The following FOCAD variants were observed in gnomAD, a reference collection of about 807,000 sequenced individuals.
The protein encoded by FOCAD is focadhesin, also known as KIAA1797.
Under a neutral mutation model 225.6 loss-of-function variants are expected in FOCAD, and 198 were observed. The observed-to-expected ratio is 0.88, with a 90% confidence interval of 0.78 to 0.99. FOCAD has a LOEUF of 0.99. Among genes scored for constraint, FOCAD ranks in the 50% least tolerant of loss-of-function variants. The probability of loss-of-function intolerance (pLI) is 0.00; values close to 1 mark genes in which losing one functional copy is unlikely to be tolerated. For synonymous variants in FOCAD, 897 were observed against 755.0 expected (o/e 1.19, Z -3.08); for missense variants, 2,713 against 2,123.6 (o/e 1.28, Z -5.46).
intron 21 of FOCAD, among the ~76,000 whole-genome samples, chr9:20,906,179 C>T (rs1832963185): frequency 6.6e-6 from 1 of 151,972 alleles, no homozygotes; most frequent in Admixed American, 6.6e-5. Flanking sequence ...TGGGAACCAA[C>T]TATATTCAGA....
chr9:20,767,530 G>C (rs920797842), intron 7 of FOCAD, among the ~76,000 whole-genome samples: 3 of 151,794 alleles, frequency 2.0e-5, no homozygotes, highest in African/African-American at 7.3e-5. Context: ...ACTGGTGTGA[G>C]ATGGTATCTC....
At chr9:20,774,116 G>A (rs1818515436) in intron 8 of FOCAD, among the ~76,000 whole-genome samples, 1 of 152,164 alleles carries the variant, frequency 6.6e-6, no homozygotes, top group Non-Finnish European at 1.5e-5. Context: ...GATCTGAGGT[G>A]GTACAGTTTC....
At chr9:20,657,304 C>G, upstream of FOCAD, among the ~76,000 whole-genome samples, 1 of 112,788 alleles carries the variant, frequency 8.9e-6, no homozygotes, top group Non-Finnish European at 1.8e-5. Context: ...CTCTGTATTT[C>G]CTGAATCTGA....
chr9:20,702,535 T>C (rs951951022), intron 1 of FOCAD, among the ~76,000 whole-genome samples: 5 of 152,242 alleles, frequency 3.3e-5, no homozygotes, highest in African/African-American at 1.2e-4. Context: ...GCAATTAATT[T>C]TGACCTCTCC....
intron 15 of FOCAD, among the ~76,000 whole-genome samples, chr9:20,855,354 A>C (rs1166157734): frequency 1.3e-5 from 2 of 151,822 alleles, no homozygotes; most frequent in African/African-American, 2.4e-5. Flanking sequence ...GAATAGATGG[A>C]AGGCAGATCA....
intron 11 of FOCAD, among the ~76,000 whole-genome samples, chr9:20,796,188 C>T (rs1292378243): frequency 6.6e-5 from 10 of 152,116 alleles, no homozygotes; most frequent in Admixed American, 5.2e-4. Flanking sequence ...TATATATGTG[C>T]CACATTTTCT....
intron 5 of FOCAD, among the ~76,000 whole-genome samples, chr9:20,757,050 C>T (rs1050977015): frequency 6.6e-6 from 1 of 152,164 alleles, no homozygotes; most frequent in East Asian, 1.9e-4. Flanking sequence ...CTTCCTCAGC[C>T]TCCTGAGTAG....
chr9:20,874,610 A>C (rs1830071985), intron 18 of FOCAD, 71 bp from the exon 19 acceptor site: 7 of 1,521,012 alleles, frequency 4.6e-6, no homozygotes, highest in South Asian at 1.2e-5. Flanking sequence ...GTCACAAAAA[A>C]GGATACAGAA....
At chr9:20,938,534 A>G (rs1459777481) in intron 28 of FOCAD, among the ~76,000 whole-genome samples, 1 of 151,280 alleles carries the variant, frequency 6.6e-6, no homozygotes, top group Non-Finnish European at 1.5e-5. Flanking sequence ...AACAATGAGA[A>G]CACATGGACA....
intron 35 of FOCAD, among the ~76,000 whole-genome samples, chr9:20,963,617 G>C (rs914776598): frequency 1.6e-4 from 25 of 152,206 alleles, no homozygotes; most frequent in African/African-American, 5.5e-4. Flanking sequence ...CTTAAATGGA[G>C]AGATGTAATT....
At chr9:20,799,093 A>G (rs1466214779) in intron 11 of FOCAD, among the ~76,000 whole-genome samples, 1 of 152,052 alleles carries the variant, frequency 6.6e-6, no homozygotes, top group African/African-American at 2.4e-5. Flanking sequence ...TTCTGCCTTC[A>G]TTTGTTATGT....
chr9:20,776,547 T>G (rs1818776664), intron 8 of FOCAD, among the ~76,000 whole-genome samples: 1 of 152,234 alleles, frequency 6.6e-6, no homozygotes, highest in Admixed American at 6.5e-5. Context: ...TACTTTTCCT[T>G]ATTTTTGATC....
intron 33 of FOCAD, 51 bp from the exon 34 acceptor site, chr9:20,950,945 A>G (rs1452778306): frequency 1.3e-6 from 2 of 1,508,288 alleles, no homozygotes; most frequent in East Asian, 2.3e-5. Context: ...CTTTTATTGA[A>G]TGGAACTTGG....
intron 35 of FOCAD, among the ~76,000 whole-genome samples, chr9:20,959,331 A>G (rs1838485507): frequency 6.6e-6 from 1 of 151,950 alleles, no homozygotes; most frequent in African/African-American, 2.4e-5. Context: ...TTTATTGGCC[A>G]TTTGTACATC....
intron 1 of FOCAD, among the ~76,000 whole-genome samples, chr9:20,711,531 T>A (rs1287804060): frequency 1.3e-5 from 2 of 152,166 alleles, no homozygotes; most frequent in East Asian, 3.9e-4. Flanking sequence ...GTTACTGGAG[T>A]AAGCCTGCCA....
chr9:20,886,051 T>G (rs1222115051), intron 21 of FOCAD, among the ~76,000 whole-genome samples: 1 of 152,228 alleles, frequency 6.6e-6, no homozygotes, highest in Admixed American at 6.5e-5. Flanking sequence ...CATTTGGTTG[T>G]AATTAATTTG....
upstream of FOCAD, chr9:20,658,204 G>C (rs1314595761): frequency 6.6e-6 from 1 of 152,384 alleles, no homozygotes; most frequent in African/African-American, 2.4e-5. Flanking sequence ...GGACACTTAA[G>C]TCTGCAGAGG....
In FOCAD at chr9:20,796,564, A is replaced by G. The variant is rs1327155945; in HGVS notation, c.1455+6956A>G. On this transcript the variant is annotated intron_variant, in intron 11 of 43. Transcript: ENST00000338382. ...TTTGATTTGCATTTCTCTGATGGCCAGTGATGATGAGCATTTTTTCATGTG... is the reference window on the plus strand; with the variant it reads ...TTTGATTTGCATTTCTCTGATGGCCGGTGATGATGAGCATTTTTTCATGTG... Among the ~76,000 whole-genome samples, 5 of 152,222 alleles carry G rather than the reference A, an allele frequency of 3.3e-5. No individual in the cohort carries two copies. The East Asian group carries it at 9.6e-4, about 29-fold the overall frequency.
chr9:20,872,705 T>C (rs529025996), intron 18 of FOCAD: 1 of 152,212 alleles, frequency 6.6e-6, no homozygotes, highest in South Asian at 2.1e-4. Flanking sequence ...GTATGCAATT[T>C]AGTGGTTTTA....
Sources: allele counts gnomAD v4.1 joint callset (sites outside exome capture counted in the v4.1 genomes callset), GRCh38; gene constraint gnomAD v4.1.1; transcripts MANE v1.5; gene names NCBI Gene and HGNC (gene_info 2026-07-23, HGNC 2026-07-21).